The following PILRB variants were observed in gnomAD, a reference collection of about 807,000 sequenced individuals.
The protein encoded by PILRB is paired immunoglobin like type 2 receptor beta, also known as paired immunoglobulin-like type 2 receptor beta.
A neutral mutation model predicts 20.5 loss-of-function variants in PILRB; 21 were observed. The ratio of observed to expected loss-of-function variants is 1.02; its 90% CI spans 0.72 to 1.47. The LOEUF (loss-of-function observed/expected upper bound fraction) is 1.47, where lower values mean the gene tolerates loss of function less well. Ranked by LOEUF, PILRB falls within the 40% of genes most tolerant of loss-of-function variation. The pLI, the probability that PILRB is intolerant of heterozygous loss-of-function variation, is 0.00. For synonymous variants in PILRB, 133 were observed against 115.1 expected, an observed-to-expected ratio of 1.16 and a Z score of -0.99; for missense variants, 253 against 272.1, an observed-to-expected ratio of 0.93 and a Z score of 0.49.
chr7:100,365,972 T>C (rs956649569), intron 3 of PILRB, among the ~76,000 whole-genome samples: 5 of 146,980 alleles, frequency 3.4e-5, no homozygotes, highest in Non-Finnish European at 6.0e-5. Context: ...TTTTTTTTTT[T>C]AGACAGAGTC....
At chr7:100,365,811 C>G (rs1409560256) in intron 3 of PILRB, among the ~76,000 whole-genome samples, 1 of 152,026 alleles carries the variant, frequency 6.6e-6, no homozygotes, top group African/African-American at 2.4e-5. Context: ...CAGCAAGACT[C>G]TGTCTCAAAA....
chr7:100,363,026 G>C (rs1181139187), intron 3 of PILRB, among the ~76,000 whole-genome samples: 2 of 151,692 alleles, frequency 1.3e-5, no homozygotes, highest in South Asian at 4.2e-4. Flanking sequence ...GGTCACAGTG[G>C]CTCACACCTG....
In PILRB at chr7:100,358,401, C is replaced by T. The variant is rs373256878; in HGVS notation, c.64+35C>T. On this transcript the variant is annotated intron_variant, in intron 1 of 3. Coordinates refer to ENST00000609309, the MANE Select transcript of PILRB (RefSeq NM_178238.4). The stretch of plus-strand genomic sequence containing the variant: ...CAGGACCGCCCAGGTATGGTCTCTG[C>T]CCAAACCACAGGAGGGGCCAACCCA... 35 of 1,606,808 alleles carry T rather than the reference C, an allele frequency of 2.2e-5. 1 individual carries two copies. In the South Asian group the frequency reaches 3.5e-4, roughly 16 times the overall value.
At chr7:100,360,967 G>A (rs1790508013) in intron 3 of PILRB, among the ~76,000 whole-genome samples, 1 of 152,062 alleles carries the variant, frequency 6.6e-6, no homozygotes, top group Non-Finnish European at 1.5e-5. Flanking sequence ...ACAGAGTTTT[G>A]TTCTGTCGCC....
Position 100,367,511 on chromosome 7 carries a change from A to C in PILRB, c.*134A>C, listed in dbSNP as rs1410523977. The C allele has an allele frequency of 2.9e-6, 2 of 693,742 alleles. No individual in the cohort carries two copies. The highest frequency in any genetic ancestry group is 3.5e-5 in the African/African-American group (2 of 56,696). 43.0% of individuals were successfully genotyped at this position (693,742 alleles called of 1,614,324 possible). On this transcript the variant is annotated 3_prime_UTR_variant, in exon 4 of 4. Transcript: ENST00000609309. ...CACCCTGAGGACCTTTAAAAGGCAAAGCCGCAAGGCAGAAGGAGGCTGGGT... is the reference window on the plus strand; with the variant it reads ...CACCCTGAGGACCTTTAAAAGGCAACGCCGCAAGGCAGAAGGAGGCTGGGT...
rs199849621 is a variant in PILRB at position 100,367,327 on chromosome 7, A to G, written c.656-22A>G. On this transcript the variant is annotated intron_variant, in intron 3 of 3. Coordinates refer to ENST00000609309, the MANE Select transcript of PILRB (RefSeq NM_178238.4). ...CACTAATAATCCTGGCCCTGCATCT[A>G]AAAACACTTCCCCTCCTGCAGGTAG... 9.9e-5 allele frequency: 77 copies of G among 780,744 alleles called. No homozygotes were observed. The Middle Eastern group carries it at 3.8e-3, about 39-fold the overall frequency. The allele number at this position is 780,744 out of a possible 1,614,324, so 48.4% of individuals were successfully genotyped here. A position where few individuals can be genotyped will look rare whatever the true frequency, so the allele number is the denominator to read the frequency against.
chr7:100,365,949 GTTTTTTT>G (rs769960565), intron 3 of PILRB, among the ~76,000 whole-genome samples: 7 of 127,822 alleles, frequency 5.5e-5, no homozygotes, highest in Non-Finnish European at 1.0e-4. Context: ...ATTCTAGGTG[GTTTTTTT>G]TTTTTTTTTT....
Position 100,358,694 on chromosome 7 carries a change from C to A in PILRB, c.69C>A (p.Gly23=). ...LQPPAFLQPG[G]STGSGPSYLY... ...CTCACTCCCTCCTTCCTCTAGGTGG[C>A]TCCACAGGATCTGGTCCAAGCTACC... Residue 23 remains glycine, a synonymous_variant, in exon 2 of 4, where the codon GGC becomes GGA. Coordinates refer to ENST00000609309, the MANE Select transcript of PILRB (RefSeq NM_178238.4). 2 of 1,613,306 alleles carry A rather than the reference C, an allele frequency of 1.2e-6. No individual in the cohort carries two copies. Among genetic ancestry groups the A allele is most frequent in the Middle Eastern group, 1.7e-4 (1 of 6,058 alleles).
chr7:100,364,971 T>C lies in PILRB; in HGVS notation c.656-2378T>C, dbSNP rs570837582. ...CCTGTCTATTAAAAAAAAAAAGTTCTGAAAAAAATAATATTATTGAATCTT... is the reference window on the plus strand; with the variant it reads ...CCTGTCTATTAAAAAAAAAAAGTTCCGAAAAAAATAATATTATTGAATCTT... On this transcript the variant is annotated intron_variant, in intron 3 of 3. Coordinates refer to ENST00000609309, the MANE Select transcript of PILRB (RefSeq NM_178238.4). Among the ~76,000 whole-genome samples, 3 of 152,144 alleles carry C rather than the reference T, an allele frequency of 2.0e-5. No homozygotes were observed. In the South Asian group the frequency reaches 6.2e-4, roughly 32 times the overall value.
At position 100,358,330 on chromosome 7, in the gene PILRB, C is replaced by T. The variant is rs1434191343; in HGVS notation, c.28C>T (p.Leu10=). MGRPLLLPL[L]LLLQPPAFLQ... is the part of the protein sequence containing the mutation. ...GGGTCGGCCCCTGCTGCTGCCCCTG[C>T]TGCTCCTGCTGCAGCCGCCAGCATT... Residue 10 remains leucine (L), a synonymous_variant, in exon 1 of 4, where the codon CTG becomes TTG. Coordinates refer to ENST00000609309, the MANE Select transcript of PILRB (RefSeq NM_178238.4). The T allele has an allele frequency of 6.2e-7, 1 of 1,612,916 alleles. No individual in the cohort carries two copies. Among genetic ancestry groups the T allele is most frequent in the South Asian group, 1.1e-5 (1 of 91,086 alleles).
rs751257130 is a variant in PILRB, at chr7:100,358,966, A to C, written c.341A>C (p.Asn114Thr). Residue 114 changes from asparagine (N) to threonine (T), a missense_variant, in exon 2 of 4, where the codon AAC (asparagine) becomes ACC (threonine). Physicochemically the swap from Asn to Thr is moderately conservative, Grantham distance 65. Coordinates refer to ENST00000609309, the MANE Select transcript of PILRB (RefSeq NM_178238.4). ...GAGAGCGGCTTCCTCAGGATCTCAA[A>C]CCTGCGGAAGGAGGACCAGTCTGTG... ...GQESGFLRIS[N>T]LRKEDQSVYF... The C allele has an allele frequency of 1.1e-5, 17 of 1,614,044 alleles. No individual in the cohort carries two copies. The highest frequency in any genetic ancestry group is 1.4e-5 in the Non-Finnish European group (17 of 1,180,024).
intron 3 of PILRB, among the ~76,000 whole-genome samples, chr7:100,360,172 GA>G (rs1790487034): frequency 6.6e-6 from 1 of 152,244 alleles, no homozygotes; most frequent in Non-Finnish European, 1.5e-5. Flanking sequence ...AGAGAGAGGA[GA>G]AGGGACCAGA....
At chr7:100,366,823 A>G (rs1395066073) in intron 3 of PILRB, among the ~76,000 whole-genome samples, 2 of 152,096 alleles carry the variant, frequency 1.3e-5, no homozygotes, top group African/African-American at 4.8e-5. Context: ...CTGAGCAGAG[A>G]GCTCAAGAGC....
Position 100,365,468 on chromosome 7 carries a change from T to A in PILRB, c.656-1881T>A, listed in dbSNP as rs542124885. ...CTAGAAACAGGAAGCAGAAAGGTGG[T>A]TGTCAGGGGCACAGAGGAGATGAGA... On this transcript the variant is annotated intron_variant, in intron 3 of 3. Coordinates refer to ENST00000609309, the MANE Select transcript of PILRB (RefSeq NM_178238.4). Among the ~76,000 whole-genome samples the A allele has an allele frequency of 2.6e-5, 4 of 152,266 alleles. No individual in the cohort carries two copies. In the East Asian group the frequency reaches 7.7e-4, roughly 29 times the overall value.
At position 100,358,883 on chromosome 7, in the gene PILRB, G is replaced by A. The variant is rs372486939; in HGVS notation, c.258G>A (p.Pro86=). The A allele has an allele frequency of 1.7e-5, 28 of 1,614,136 alleles. No individual in the cohort carries two copies. The highest frequency in any genetic ancestry group is 1.3e-4 in the African/African-American group (10 of 75,006). ...FHGQSFYSTR[P]PSIHKDYVNR... is the part of the protein sequence containing the mutation. Reference sequence around the variant, plus strand: ...GGCAGTCCTTCTACAGCACAAGGCCGCCTTCCATTCACAAGGATTATGTGA... The same window carrying A: ...GGCAGTCCTTCTACAGCACAAGGCCACCTTCCATTCACAAGGATTATGTGA... The change falls in exon 2 of 4, where the codon CCG becomes CCA. Residue 86 remains proline, a synonymous_variant. Coordinates refer to ENST00000609309, the MANE Select transcript of PILRB (RefSeq NM_178238.4).
rs1294930154 is a variant in PILRB, at chr7:100,359,078, G to A, written c.453G>A (p.Gln151=). 2 of 1,614,000 alleles carry A rather than the reference G, an allele frequency of 1.2e-6. No individual in the cohort carries two copies. Among genetic ancestry groups the A allele is most frequent in the Admixed American group, 3.3e-5 (2 of 60,016 alleles). ...SIKGTKLTIT[Q]AVTTTTTWRP... The stretch of plus-strand genomic sequence containing the variant: ...AGGGGACCAAACTCACCATCACCCA[G>A]GGTGAGTCCAGCTGCCCTGACACCT... The change falls in exon 2 of 4, where the codon CAG becomes CAA. Residue 151 remains glutamine (Q), a splice_region_variant and synonymous_variant. Coordinates refer to ENST00000609309, the MANE Select transcript of PILRB (RefSeq NM_178238.4).
chr7:100,359,218 C>A, intron 2 of PILRB, 119 bp from the exon 3 acceptor site: 1 of 1,493,452 alleles, frequency 6.7e-7, no homozygotes, highest in Non-Finnish European at 9.3e-7. Flanking sequence ...CATGTCTGGG[C>A]TTCTGAGAGC....
At chr7:100,359,173 T>A in intron 2 of PILRB, 94 bp downstream of exon 2, 1 of 1,559,716 alleles carries the variant, frequency 6.4e-7, no homozygotes, top group Non-Finnish European at 8.8e-7. Context: ...TGGTCTGGAT[T>A]GAGAGCTGTT....
chr7:100,367,001 G>A (rs1790710797), intron 3 of PILRB, among the ~76,000 whole-genome samples: 1 of 152,090 alleles, frequency 6.6e-6, no homozygotes, highest in African/African-American at 2.4e-5. Flanking sequence ...GTCCCTCTAA[G>A]GAGGGCCTCA....
Sources: allele counts gnomAD v4.1 joint callset (sites outside exome capture counted in the v4.1 genomes callset), GRCh38; gene constraint gnomAD v4.1.1; transcripts MANE v1.5; gene names NCBI Gene and HGNC (gene_info 2026-07-23, HGNC 2026-07-21).